ST3GAL1: variants seen among roughly 807,000 people sequenced by gnomAD.
ST3GAL1 encodes CMP-N-acetylneuraminate-beta-galactosamide-alpha-2,3-sialyltransferase 1.
A neutral mutation model predicts 34.1 loss-of-function variants in ST3GAL1; 16 were observed. The ratio of observed to expected loss-of-function variants is 0.47; its 90% CI spans 0.32 to 0.71. The LOEUF (loss-of-function observed/expected upper bound fraction) is 0.71. Among genes scored for constraint, ST3GAL1 ranks in the 30% least tolerant of loss-of-function variants. The pLI is 0.04. For synonymous variants in ST3GAL1, 191 were observed against 184.7 expected (o/e 1.03, Z -0.28); for missense variants, 353 against 447.4 (o/e 0.79, Z 1.90).
rs1586679837 is a variant in ST3GAL1 at position 133,571,624 on chromosome 8, G to C, written c.-582+69C>G. On this transcript the variant is annotated intron_variant, in intron 1 of 9. Transcript: ENST00000522652. The surrounding 1 kb of genome is among the most constrained non-coding windows in gnomAD (Gnocchi z 6.7). Reference sequence around the variant, plus strand: ...TCCGAGAATCCACAGGAAACTGCCCGAGCCCCAACTCAGGCGGACGCAGCC... The same window carrying C: ...TCCGAGAATCCACAGGAAACTGCCCCAGCCCCAACTCAGGCGGACGCAGCC... 6.5e-6 allele frequency: 1 copy of C among 152,778 alleles called. No individual in the cohort carries two copies. The highest frequency in any genetic ancestry group is 2.4e-5 in the African/African-American group (1 of 41,398). 9.5% of individuals were successfully genotyped at this position (152,778 alleles called of 1,614,324 possible). A position where few individuals can be genotyped will look rare whatever the true frequency, so the allele number is the denominator to read the frequency against.
chr8:133,531,311 A>G (rs1443055237), intron 2 of ST3GAL1, among the ~76,000 whole-genome samples: 3 of 152,224 alleles, frequency 2.0e-5, no homozygotes, highest in Non-Finnish European at 2.9e-5. Context: ...GTACATATAA[A>G]CACATGTATG....
intron 5 of ST3GAL1, among the ~76,000 whole-genome samples, chr8:133,471,327 TGTGGGGTGGACAG>T (rs57528397): frequency 0.32 from 48,595 of 151,940 alleles, 8,549 homozygotes; most frequent in East Asian, 0.66. Flanking sequence ...CCCGGTGCCG[TGTGGGGTGGACAG>T]GTGGGGTGGA....
intron 6 of ST3GAL1, among the ~76,000 whole-genome samples, chr8:133,465,419 G>A (rs6981258): frequency 1.6e-4 from 24 of 152,334 alleles, no homozygotes; most frequent in African/African-American, 4.3e-4. Context: ...ACTTCTCAGC[G>A]TGGAACACTT....
intron 3 of ST3GAL1, among the ~76,000 whole-genome samples, chr8:133,489,891 C>T (rs1469467069): frequency 1.3e-5 from 2 of 152,104 alleles, no homozygotes; most frequent in Admixed American, 1.3e-4. Context: ...ATCAAAGAAT[C>T]CTCATTGTTT....
intron 5 of ST3GAL1, among the ~76,000 whole-genome samples, chr8:133,472,433 T>TG (rs1385086146): frequency 6.6e-6 from 1 of 152,162 alleles, no homozygotes; most frequent in African/African-American, 2.4e-5. Context: ...GTGGGAATTG[T>TG]GGGAGCTACA....
intron 1 of ST3GAL1, among the ~76,000 whole-genome samples, chr8:133,558,624 A>G (rs1819128013): frequency 1.3e-5 from 2 of 152,214 alleles, no homozygotes; most frequent in Non-Finnish European, 2.9e-5. Context: ...AGTAATGGTG[A>G]CTAAAGTTTA....
At chr8:133,460,571 C>A (rs1815460902) in intron 9 of ST3GAL1, among the ~76,000 whole-genome samples, 1 of 152,242 alleles carries the variant, frequency 6.6e-6, no homozygotes, top group Non-Finnish European at 1.5e-5. Context: ...AGCCCAGCAC[C>A]CTGCTGGCTG....
chr8:133,512,877 G>T (rs1254412709), intron 2 of ST3GAL1, among the ~76,000 whole-genome samples: 3 of 152,198 alleles, frequency 2.0e-5, no homozygotes, highest in Non-Finnish European at 4.4e-5. Context: ...AACATTAAAA[G>T]AAAAGGGTAG....
chr8:133,546,905 C>T (rs1818687711), intron 1 of ST3GAL1, among the ~76,000 whole-genome samples: 1 of 151,652 alleles, frequency 6.6e-6, no homozygotes, highest in Admixed American at 6.6e-5. Context: ...ACTCAGGAGT[C>T]TGAGGCAGGA....
chr8:133,483,410 G>A (rs943820365), intron 3 of ST3GAL1, among the ~76,000 whole-genome samples: 2 of 152,124 alleles, frequency 1.3e-5, no homozygotes, highest in Non-Finnish European at 2.9e-5. Flanking sequence ...GCACAAAAGT[G>A]AACAGCTCAG....
chr8:133,523,329 G>A (rs978543577), intron 2 of ST3GAL1, among the ~76,000 whole-genome samples: 6 of 152,060 alleles, frequency 3.9e-5, no homozygotes, highest in African/African-American at 1.4e-4. Flanking sequence ...AGTCACAAAG[G>A]TGTGCAGCTG....
intron 2 of ST3GAL1, among the ~76,000 whole-genome samples, chr8:133,540,798 TATATATAGAGAGAC>T (rs1818454930): frequency 3.8e-5 from 5 of 130,668 alleles, no homozygotes; most frequent in African/African-American, 1.4e-4. Flanking sequence ...TATATAGACA[TATATATAGAGAGAC>T]ATATATATAT....
At chr8:133,496,154 AC>A (rs1245623928) in intron 3 of ST3GAL1, among the ~76,000 whole-genome samples, 1 of 152,080 alleles carries the variant, frequency 6.6e-6, no homozygotes. Flanking sequence ...TCTTAAGAGA[AC>A]CCTTCAGGAG....
At chr8:133,562,565 G>T (rs1396531367) in intron 1 of ST3GAL1, among the ~76,000 whole-genome samples, 1 of 152,150 alleles carries the variant, frequency 6.6e-6, no homozygotes, top group Admixed American at 6.5e-5. Context: ...TGAACTGAGG[G>T]CCAACTCGGG....
chr8:133,541,178 C>T (rs1028775749), intron 2 of ST3GAL1, among the ~76,000 whole-genome samples: 4 of 137,808 alleles, frequency 2.9e-5, no homozygotes, highest in African/African-American at 1.1e-4. Context: ...CTCTTTCTCA[C>T]CCCTAGCTAG....
chr8:133,480,810 G>A (rs904279739), intron 3 of ST3GAL1, among the ~76,000 whole-genome samples: 1 of 152,098 alleles, frequency 6.6e-6, no homozygotes, highest in Non-Finnish European at 1.5e-5. Context: ...TTCCCTTTCT[G>A]ATAACTTCTT....
At position 133,455,960 on chromosome 8, in the gene ST3GAL1, G is replaced by A. The variant is rs1487728512; in HGVS notation, c.*3804C>T. The A allele has an allele frequency of 6.6e-6, 1 of 152,064 alleles. No individual in the cohort carries two copies. Among genetic ancestry groups the A allele is most frequent in the Non-Finnish European group, 1.5e-5 (1 of 68,018 alleles). 9.4% of individuals were successfully genotyped at this position (152,064 alleles called of 1,614,324 possible). ...CAGCAGAGAATGGGATTCCATCAAA[G>A]CCTCTCAACCAGCCGTTTCCCTAAA... On this transcript the variant is annotated 3_prime_UTR_variant, in exon 10 of 10. Coordinates refer to ENST00000522652, the MANE Select transcript of ST3GAL1 (RefSeq NM_173344.3).
In ST3GAL1 at chr8:133,505,608, CT is replaced by C. The variant is rs202198983; in HGVS notation, c.-428-6420del. On this transcript the variant is annotated intron_variant, in intron 2 of 9. Transcript: ENST00000522652. The stretch of plus-strand genomic sequence containing the variant: ...CTATTTCTTTTCTTTCTTTTCTTTT[CT>C]TTTTTTTTTTGAGACGAAGTTTCAC... 3.8e-3 allele frequency among the ~76,000 whole-genome samples: 557 copies of C among 145,030 alleles called. 4 individuals carry two copies. Among genetic ancestry groups the C allele is most frequent in the African/African-American group, 0.013 (511 of 38,162 alleles).
intron 3 of ST3GAL1, among the ~76,000 whole-genome samples, chr8:133,490,420 A>C (rs1023347612): frequency 8.5e-5 from 13 of 152,218 alleles, no homozygotes; most frequent in Non-Finnish European, 1.6e-4. Flanking sequence ...CGGCTCCAGG[A>C]TCTAGCCCAG....
Sources: allele counts gnomAD v4.1 joint callset (sites outside exome capture counted in the v4.1 genomes callset), GRCh38; gene constraint gnomAD v4.1.1; non-coding constraint Gnocchi (gnomAD v3.1); transcripts MANE v1.5; gene names NCBI Gene and HGNC (gene_info 2026-07-23, HGNC 2026-07-21).